DRC11: variants seen among roughly 807,000 people sequenced by gnomAD.
The protein encoded by DRC11 is dynein regulatory complex subunit 11.
At chr2:236,407,221 A>C in the DRC11 span, among the ~76,000 whole-genome samples, 3 of 152,224 alleles carry the variant, frequency 2.0e-5, no homozygotes, top group African/African-American at 7.2e-5. Context: ...GAAGTCTAAA[A>C]ATGTACAGCT....
At chr2:236,365,587 G>A in the DRC11 span, among the ~76,000 whole-genome samples, 2 of 152,106 alleles carry the variant, frequency 1.3e-5, no homozygotes, top group Non-Finnish European at 2.9e-5. This position sits in a 1 kb window ranked among gnomAD's most constrained non-coding sequence, Gnocchi z 7.4. Flanking sequence ...ACAGTGCTGA[G>A]GACAGAGCCT....
At chr2:236,444,263 C>G in the DRC11 span, among the ~76,000 whole-genome samples, 8 of 152,256 alleles carry the variant, frequency 5.3e-5, no homozygotes, top group Non-Finnish European at 1.0e-4. Context: ...AAATCTTTGC[C>G]TATGCCTATG....
At chr2:236,314,469 A>G in the DRC11 span, among the ~76,000 whole-genome samples, 1 of 152,336 alleles carries the variant, frequency 6.6e-6, no homozygotes, top group East Asian at 1.9e-4. This position sits in a 1 kb window ranked among gnomAD's most constrained non-coding sequence, Gnocchi z 4.5. Flanking sequence ...AGCCAGTGCA[A>G]TAAAGCAAGA....
the DRC11 span, among the ~76,000 whole-genome samples, chr2:236,336,064 T>C: frequency 2.5e-3 from 378 of 152,230 alleles, no homozygotes; most frequent in African/African-American, 8.7e-3. The surrounding 1 kb of genome is among the most constrained non-coding windows in gnomAD (Gnocchi z 7.3). Context: ...AAAAGGTTCA[T>C]GGGGGACGTT....
the DRC11 span, among the ~76,000 whole-genome samples, chr2:236,476,513 G>T: frequency 1.3e-5 from 2 of 152,160 alleles, no homozygotes; most frequent in African/African-American, 2.4e-5. The surrounding 1 kb of genome is among the most constrained non-coding windows in gnomAD (Gnocchi z 4.7). Flanking sequence ...TGCAAAAAAG[G>T]CTAATTTGAC....
At chr2:236,418,463 T>C in the DRC11 span, among the ~76,000 whole-genome samples, 1 of 152,212 alleles carries the variant, frequency 6.6e-6, no homozygotes, top group African/African-American at 2.4e-5. Context: ...ACTTCAAACA[T>C]AGTCATGTTT....
the DRC11 span, among the ~76,000 whole-genome samples, chr2:236,398,147 C>G: frequency 6.6e-6 from 1 of 152,142 alleles, no homozygotes. This position sits in a 1 kb window ranked among gnomAD's most constrained non-coding sequence, Gnocchi z 6.2. Context: ...AAGCCTTGCA[C>G]GTCTTAGGTA....
chr2:236,505,130 A>G, the DRC11 span, among the ~76,000 whole-genome samples: 253 of 152,330 alleles, frequency 1.7e-3, no homozygotes, highest in African/African-American at 5.7e-3. Context: ...ACTTGAGCAT[A>G]TGACTTAGAG....
At chr2:236,445,184 A>C in the DRC11 span, among the ~76,000 whole-genome samples, 1 of 152,200 alleles carries the variant, frequency 6.6e-6, no homozygotes, top group Non-Finnish European at 1.5e-5. The surrounding 1 kb of genome is among the most constrained non-coding windows in gnomAD (Gnocchi z 4.8). Flanking sequence ...ACTCAAAACA[A>C]ACTTAGTGAC....
At chr2:236,491,219 G>GTA in the DRC11 span, among the ~76,000 whole-genome samples, 2,377 of 19,306 alleles carry the variant, frequency 0.12, 262 homozygotes, top group African/African-American at 0.25. Flanking sequence ...TATACACACA[G>GTA]TATATATATA....
At chr2:236,489,975 G>A in the DRC11 span, among the ~76,000 whole-genome samples, 1 of 152,162 alleles carries the variant, frequency 6.6e-6, no homozygotes, top group African/African-American at 2.4e-5. Flanking sequence ...AAGCATAGGT[G>A]AAGCCTGTTT....
chr2:236,320,672 G>A, the DRC11 span, among the ~76,000 whole-genome samples: 9 of 152,178 alleles, frequency 5.9e-5, 1 homozygote, highest in East Asian at 1.9e-4. Context: ...ACTCCATCCC[G>A]CAGAATGCTC....
chr2:236,467,186 T>C, the DRC11 span, among the ~76,000 whole-genome samples: 1 of 152,222 alleles, frequency 6.6e-6, no homozygotes, highest in Non-Finnish European at 1.5e-5. Context: ...TCTCCTTTGG[T>C]AGGTCTATAC....
At chr2:236,491,967 A>C in the DRC11 span, among the ~76,000 whole-genome samples, 1 of 152,196 alleles carries the variant, frequency 6.6e-6, no homozygotes, top group East Asian at 1.9e-4. Context: ...CTGTCCTCAA[A>C]ATGAATTAAT....
chr2:236,503,771 G>T, the DRC11 span: 1 of 1,402,496 alleles, frequency 7.1e-7, no homozygotes. This position sits in a 1 kb window ranked among gnomAD's most constrained non-coding sequence, Gnocchi z 4.9. Context: ...GGACCGCCAG[G>T]GACCTGGGCA....
the DRC11 span, among the ~76,000 whole-genome samples, chr2:236,482,373 A>T: frequency 1.3e-5 from 2 of 152,290 alleles, no homozygotes; most frequent in African/African-American, 4.8e-5. The surrounding 1 kb of genome is among the most constrained non-coding windows in gnomAD (Gnocchi z 4.5). Flanking sequence ...CTATGCACAC[A>T]CATCTCTATT....
chr2:236,398,498 A>G, the DRC11 span, among the ~76,000 whole-genome samples: 2 of 152,220 alleles, frequency 1.3e-5, no homozygotes, highest in Non-Finnish European at 2.9e-5. The surrounding 1 kb of genome is among the most constrained non-coding windows in gnomAD (Gnocchi z 6.2). Flanking sequence ...GAGGCCACGA[A>G]TGACTGCCAT....
the DRC11 span, among the ~76,000 whole-genome samples, chr2:236,485,253 T>C: frequency 2.6e-5 from 4 of 151,832 alleles, no homozygotes; most frequent in Non-Finnish European, 5.9e-5. Context: ...TATATATGTA[T>C]GTATATATAT....
At chr2:236,364,877 G>C in the DRC11 span, among the ~76,000 whole-genome samples, 1 of 143,708 alleles carries the variant, frequency 7.0e-6, no homozygotes, top group South Asian at 2.2e-4. Flanking sequence ...GAAAATTTAA[G>C]TGATGATTAG....
Sources: allele counts gnomAD v4.1 joint callset (sites outside exome capture counted in the v4.1 genomes callset), GRCh38; gene constraint gnomAD v4.1.1; non-coding constraint Gnocchi (gnomAD v3.1); transcripts MANE v1.5; gene names NCBI Gene and HGNC (gene_info 2026-07-23, HGNC 2026-07-21).